The following TBC1D14 variants were observed in gnomAD, a reference collection of about 807,000 sequenced individuals.
TBC1D14 encodes the protein TBC1 domain family member 14.
Under a neutral mutation model 79.0 loss-of-function variants are expected in TBC1D14, and 26 were observed. That is an observed-to-expected ratio of 0.33 (90% CI 0.24 to 0.46). The LOEUF (loss-of-function observed/expected upper bound fraction) is 0.46. Ranked by LOEUF, TBC1D14 falls within the 20% of genes least tolerant of loss-of-function variation. TBC1D14 has a pLI of 1.00. For synonymous variants in TBC1D14, 394 were observed against 349.9 expected (o/e 1.13, Z -1.40); for missense variants, 769 against 887.6 (o/e 0.87, Z 1.70).
chr4:6,936,479 C>T (rs1409537234), intron 2 of TBC1D14, among the ~76,000 whole-genome samples: 3 of 152,166 alleles, frequency 2.0e-5, no homozygotes, highest in African/African-American at 4.8e-5. Flanking sequence ...TTCTTTTTAG[C>T]ACTCAATGAT....
intron 9 of TBC1D14, among the ~76,000 whole-genome samples, chr4:7,007,336 T>G (rs1187538142): frequency 6.6e-6 from 1 of 152,230 alleles, no homozygotes; most frequent in Non-Finnish European, 1.5e-5. Context: ...AGGACAGGGC[T>G]GCCAGCAGTA....
chr4:7,020,755 C>T (rs1390232614), intron 12 of TBC1D14, among the ~76,000 whole-genome samples: 2 of 152,236 alleles, frequency 1.3e-5, no homozygotes, highest in Non-Finnish European at 2.9e-5. Context: ...GTCTGGAGTG[C>T]AGTGGTGCGA....
At chr4:6,999,036 G>T (rs905909857) in intron 5 of TBC1D14, 49 bp from the exon 6 acceptor site, 3 of 1,574,542 alleles carry the variant, frequency 1.9e-6, no homozygotes, top group Non-Finnish European at 2.6e-6. Context: ...GCCTGGAAAT[G>T]GTCCATATCA....
rs530899831 is a variant in TBC1D14, at chr4:6,939,878, G to A, written c.722+15767G>A. Among the ~76,000 whole-genome samples, 12 of 152,332 alleles carry A rather than the reference G, an allele frequency of 7.9e-5. No individual in the cohort carries two copies. The South Asian group carries it at 2.5e-3, about 32-fold the overall frequency. ...TGTGAGTGGTGTGCGGGTGAAGCGT[G>A]TTCTTCCGAAGGACACAGTGGAGAC... On this transcript the variant is annotated intron_variant, in intron 2 of 13. Transcript: ENST00000409757.
rs182538896 is a variant in TBC1D14, at chr4:6,975,216, T to A, written c.843+7792T>A. On this transcript the variant is annotated intron_variant, in intron 3 of 13. Coordinates refer to ENST00000409757, the MANE Select transcript of TBC1D14 (RefSeq NM_020773.3). ...GGCATGAGCCGCCGCGCCCGGCCTG[T>A]TTTTTGTTTTTGAGATAGGGTCTTG... 2.2e-4 allele frequency among the ~76,000 whole-genome samples: 33 copies of A among 150,968 alleles called. No homozygotes were observed. In the East Asian group the frequency reaches 6.5e-3, roughly 30 times the overall value.
chr4:6,991,249 C>T (rs74436789), intron 3 of TBC1D14, among the ~76,000 whole-genome samples: 6,251 of 152,280 alleles, frequency 0.041, 236 homozygotes, highest in East Asian at 0.19. Flanking sequence ...GTTTCGGTCA[C>T]GGTTGTGAAA....
At chr4:6,961,018 G>A (rs1227659786) in intron 2 of TBC1D14, among the ~76,000 whole-genome samples, 14 of 152,166 alleles carry the variant, frequency 9.2e-5, no homozygotes, top group Non-Finnish European at 2.9e-5. Context: ...CCGTGTCCTG[G>A]GGTCTGGCAC....
At chr4:6,993,722 C>T (rs1718735836) in intron 3 of TBC1D14, among the ~76,000 whole-genome samples, 1 of 152,178 alleles carries the variant, frequency 6.6e-6, no homozygotes, top group African/African-American at 2.4e-5. Context: ...CTCTAAGACC[C>T]CTTTAGGCTG....
At chr4:6,986,740 A>G (rs1577124497) in intron 3 of TBC1D14, among the ~76,000 whole-genome samples, 1 of 152,192 alleles carries the variant, frequency 6.6e-6, no homozygotes, top group South Asian at 2.1e-4. Context: ...TCGACAGCGT[A>G]CCGCGCCATC....
intron 2 of TBC1D14, among the ~76,000 whole-genome samples, chr4:6,944,222 A>T (rs1713206260): frequency 6.6e-6 from 1 of 152,140 alleles, no homozygotes; most frequent in South Asian, 2.1e-4. Context: ...ATAAAAATGG[A>T]TGCTGTTTCC....
At chr4:6,994,782 C>T (rs1010977986) in intron 4 of TBC1D14, among the ~76,000 whole-genome samples, 3 of 151,654 alleles carry the variant, frequency 2.0e-5, no homozygotes, top group African/African-American at 7.3e-5. Context: ...ATCACTTGAA[C>T]CTGGGAGGCA....
intron 3 of TBC1D14, among the ~76,000 whole-genome samples, chr4:6,978,993 A>G (rs888856828): frequency 5.9e-5 from 9 of 152,312 alleles, no homozygotes; most frequent in African/African-American, 2.2e-4. Context: ...AAAGGGGACA[A>G]GGTGTGGTGA....
chr4:6,952,708 G>C (rs1425540353), intron 2 of TBC1D14, among the ~76,000 whole-genome samples: 1 of 152,226 alleles, frequency 6.6e-6, no homozygotes, highest in Non-Finnish European at 1.5e-5. Context: ...TGATGGAGCT[G>C]ACTGTTAGAG....
At chr4:6,916,832 C>A (rs1009441986) in intron 1 of TBC1D14, among the ~76,000 whole-genome samples, 2 of 152,224 alleles carry the variant, frequency 1.3e-5, no homozygotes, top group African/African-American at 2.4e-5. Context: ...CAGTGCCTCC[C>A]GTGGCAGGGT....
intron 3 of TBC1D14, chr4:6,987,337 C>G: frequency 7.0e-7 from 1 of 1,423,282 alleles, no homozygotes; most frequent in Non-Finnish European, 9.2e-7. Flanking sequence ...CCTCTAAGGC[C>G]CCGGCGTTCA....
At chr4:6,986,944 A>G (rs1279275139) in intron 3 of TBC1D14, among the ~76,000 whole-genome samples, 1 of 152,152 alleles carries the variant, frequency 6.6e-6, no homozygotes, top group African/African-American at 2.4e-5. Flanking sequence ...TAGTGCGACT[A>G]TTTTTGTGCA....
rs141765910 is a variant in TBC1D14, at chr4:6,917,174, A to T, written c.-17-6199A>T. On this transcript the variant is annotated intron_variant, in intron 1 of 13. Coordinates refer to ENST00000409757, the MANE Select transcript of TBC1D14 (RefSeq NM_020773.3). Reference sequence around the variant, plus strand: ...TGGAACATAATCCAGCTCTCAGCAGATGTTTCTTGGCTGGGACTGTCCCTG... The same window carrying T: ...TGGAACATAATCCAGCTCTCAGCAGTTGTTTCTTGGCTGGGACTGTCCCTG... Among the ~76,000 whole-genome samples the T allele has an allele frequency of 2.1e-3, 316 of 152,284 alleles. 3 individuals are homozygous for T. Among genetic ancestry groups the T allele is most frequent in the Admixed American group, 7.9e-3 (121 of 15,290 alleles).
intron 12 of TBC1D14, among the ~76,000 whole-genome samples, chr4:7,020,273 A>G (rs955118055): frequency 3.3e-5 from 5 of 152,232 alleles, no homozygotes; most frequent in Admixed American, 2.6e-4. Context: ...TTATGGGTTT[A>G]ACTAAGTTTG....
At chr4:6,932,946 C>T (rs952741586) in intron 2 of TBC1D14, among the ~76,000 whole-genome samples, 1 of 152,104 alleles carries the variant, frequency 6.6e-6, no homozygotes, top group African/African-American at 2.4e-5. Flanking sequence ...GGCTGTGTCC[C>T]CGTCCCAGTC....
Sources: gnomAD v4.1 joint callset for allele counts (sites outside exome capture counted in the v4.1 genomes callset) on GRCh38, gnomAD v4.1.1 for gene constraint, MANE v1.5 for transcripts, NCBI Gene and HGNC (gene_info 2026-07-23, HGNC 2026-07-21) for gene names.